KPNA3: variants seen among roughly 807,000 people sequenced by gnomAD.
KPNA3 encodes karyopherin subunit alpha 3, also known as importin subunit alpha-4.
A neutral mutation model predicts 73.8 loss-of-function variants in KPNA3; 13 were observed. That is an observed-to-expected ratio of 0.18 (90% CI 0.11 to 0.28). The LOEUF is 0.28. KPNA3 is among the 10% of genes least tolerant of loss of function. KPNA3 has a pLI of 1.00. For missense variants in KPNA3, 360 were observed against 618.1 expected (o/e 0.58, Z 4.43); for synonymous variants, 186 against 206.9 (o/e 0.90, Z 0.87).
intron 1 of KPNA3, among the ~76,000 whole-genome samples, chr13:49,758,363 G>A (rs2137579953): frequency 6.6e-6 from 1 of 152,252 alleles, no homozygotes; most frequent in South Asian, 2.1e-4. Context: ...CCATTTGGTA[G>A]CATAATCACA....
intron 10 of KPNA3, among the ~76,000 whole-genome samples, chr13:49,719,380 T>G (rs111547780): frequency 1.3e-3 from 191 of 151,360 alleles, no homozygotes; most frequent in African/African-American, 4.5e-3. Context: ...TCATTTAATC[T>G]CTCTCTGAGA....
chr13:49,770,843 A>AG (rs1270485581), intron 1 of KPNA3, among the ~76,000 whole-genome samples: 6 of 149,690 alleles, frequency 4.0e-5, no homozygotes, highest in African/African-American at 7.3e-5. Flanking sequence ...CCAAAAAAAA[A>AG]AAAAAAAAAG....
chr13:49,746,307 G>A (rs1165401452), intron 2 of KPNA3, among the ~76,000 whole-genome samples: 1 of 150,772 alleles, frequency 6.6e-6, no homozygotes, highest in Non-Finnish European at 1.5e-5. Context: ...AAAATTAGCT[G>A]GGTGTGGTGG....
At chr13:49,738,138 A>G (rs1954541588) in intron 2 of KPNA3, among the ~76,000 whole-genome samples, 1 of 152,106 alleles carries the variant, frequency 6.6e-6, no homozygotes, top group Admixed American at 6.5e-5. Context: ...CCTCCATTGA[A>G]TTGGTTTTGT....
chr13:49,755,437 T>TA (rs1954702297), intron 1 of KPNA3, among the ~76,000 whole-genome samples: 1 of 152,130 alleles, frequency 6.6e-6, no homozygotes, highest in South Asian at 2.1e-4. Flanking sequence ...CAACATAGTA[T>TA]AAGAAGTTCC....
intron 10 of KPNA3, among the ~76,000 whole-genome samples, chr13:49,715,836 T>G (rs574093808): frequency 6.6e-6 from 1 of 152,274 alleles, no homozygotes; most frequent in Admixed American, 6.5e-5. Context: ...AAACACACAA[T>G]AGTCATTGGT....
intron 1 of KPNA3, among the ~76,000 whole-genome samples, chr13:49,765,690 T>C (rs914990964): frequency 3.9e-5 from 6 of 152,164 alleles, no homozygotes; most frequent in African/African-American, 1.4e-4. Flanking sequence ...ACACTTACCA[T>C]TCTACCAAGC....
intron 2 of KPNA3, among the ~76,000 whole-genome samples, chr13:49,744,742 C>T (rs1954602286): frequency 6.6e-6 from 1 of 152,048 alleles, no homozygotes; most frequent in South Asian, 2.1e-4. Flanking sequence ...ATATATACTA[C>T]AACTCTTAGC....
Position 49,756,811 on chromosome 13 carries a change from T to C in KPNA3, c.70-9818A>G, listed in dbSNP as rs554950250. On this transcript the variant is annotated intron_variant, in intron 1 of 16. Transcript: ENST00000261667. Reference sequence around the variant, plus strand: ...AATCAATCTAGCCAATTTCAAGATATATTACATAGTTACAGTAATAAACAT... The same window carrying C: ...AATCAATCTAGCCAATTTCAAGATACATTACATAGTTACAGTAATAAACAT... Among the ~76,000 whole-genome samples the C allele has an allele frequency of 5.3e-5, 8 of 152,310 alleles. No individual in the cohort carries two copies. In the East Asian group the frequency reaches 1.2e-3, roughly 22 times the overall value.
At chr13:49,771,425 T>C (rs956717426) in intron 1 of KPNA3, among the ~76,000 whole-genome samples, 3 of 152,182 alleles carry the variant, frequency 2.0e-5, no homozygotes, top group African/African-American at 7.2e-5. Flanking sequence ...TTCCTGAGCA[T>C]TTTATTCTTT....
chr13:49,702,619 A>C, intron 15 of KPNA3, 139 bp from the exon 16 acceptor site: 1 of 505,264 alleles, frequency 2.0e-6, no homozygotes, highest in South Asian at 2.7e-5. Flanking sequence ...GGTTTGTCTA[A>C]AAAACAGACA....
Position 49,783,761 on chromosome 13 carries a change from A to G in KPNA3, c.69+8677T>C, listed in dbSNP as rs1359269123. 2.0e-5 allele frequency among the ~76,000 whole-genome samples: 3 copies of G among 152,160 alleles called. No homozygotes were observed. In the East Asian group the frequency reaches 5.8e-4, roughly 29 times the overall value. On this transcript the variant is annotated intron_variant, in intron 1 of 16. Coordinates refer to ENST00000261667, the MANE Select transcript of KPNA3 (RefSeq NM_002267.4). ...CAATTTCATGTCCCATTTCCCCCAA[A>G]TAACTAAAATTCACTTCACAAACTG...
At chr13:49,766,881 T>C (rs1049677209) in intron 1 of KPNA3, among the ~76,000 whole-genome samples, 1 of 150,810 alleles carries the variant, frequency 6.6e-6, no homozygotes, top group African/African-American at 2.4e-5. Flanking sequence ...TTACAAGATA[T>C]CAACTAGAAT....
rs143486940 is a variant in KPNA3, at chr13:49,753,596, T to G, written c.70-6603A>C. Among the ~76,000 whole-genome samples, 132 of 152,346 alleles carry G rather than the reference T, an allele frequency of 8.7e-4. 1 individual carries two copies. In the South Asian group the frequency reaches 0.01, roughly 12 times the overall value. On this transcript the variant is annotated intron_variant, in intron 1 of 16. Coordinates refer to ENST00000261667, the MANE Select transcript of KPNA3 (RefSeq NM_002267.4). ...GTCCTTATAAGGTAGGCCCAATCCCTGGGCCGTGAACTGGTGCCAGTCCAT... is the reference window on the plus strand; with the variant it reads ...GTCCTTATAAGGTAGGCCCAATCCCGGGGCCGTGAACTGGTGCCAGTCCAT...
At chr13:49,729,689 A>C (rs1954444022) in intron 6 of KPNA3, among the ~76,000 whole-genome samples, 1 of 152,220 alleles carries the variant, frequency 6.6e-6, no homozygotes. Flanking sequence ...CTGAGGCAGG[A>C]GAATGGCGTG....
intron 1 of KPNA3, among the ~76,000 whole-genome samples, chr13:49,752,913 G>A (rs1237001219): frequency 3.3e-5 from 5 of 150,172 alleles, no homozygotes; most frequent in Admixed American, 1.3e-4. Flanking sequence ...TGTAGTCCCA[G>A]CTACTCGGGA....
intron 1 of KPNA3, among the ~76,000 whole-genome samples, chr13:49,774,169 T>C (rs1406279281): frequency 6.6e-6 from 1 of 151,922 alleles, no homozygotes; most frequent in East Asian, 1.9e-4. Context: ...CCTCCCAAAG[T>C]GCTAGGATTA....
At chr13:49,730,606 A>ATTTAT (rs938168538) in intron 6 of KPNA3, among the ~76,000 whole-genome samples, 2 of 144,378 alleles carry the variant, frequency 1.4e-5, no homozygotes, top group African/African-American at 5.1e-5. Context: ...TTATTTATTT[A>ATTTAT]TTTATTTTAT....
rs75565083 is a variant in KPNA3, at chr13:49,718,132, C to T, written c.771+1643G>A. ...ACCTTAGAAAGATTATTTAACTTTA[C>T]CGAGTTTCAATCTCTGTATTTGTAA... On this transcript the variant is annotated intron_variant, in intron 10 of 16. Coordinates refer to ENST00000261667, the MANE Select transcript of KPNA3 (RefSeq NM_002267.4). Among the ~76,000 whole-genome samples, 294 of 152,220 alleles carry T rather than the reference C, an allele frequency of 1.9e-3. 1 individual carries two copies. Among genetic ancestry groups the T allele is most frequent in the African/African-American group, 6.9e-3 (286 of 41,522 alleles).
Sources: allele counts gnomAD v4.1 joint callset (sites outside exome capture counted in the v4.1 genomes callset), GRCh38; gene constraint gnomAD v4.1.1; transcripts MANE v1.5; gene names NCBI Gene and HGNC (gene_info 2026-07-23, HGNC 2026-07-21).